The following FRS2 variants were observed in gnomAD, a reference collection of about 807,000 sequenced individuals.
The protein encoded by FRS2 is FGFR signalling adaptor.
A neutral mutation model predicts 43.9 loss-of-function variants in FRS2; 8 were observed. That is an observed-to-expected ratio of 0.18 (90% CI 0.11 to 0.33). FRS2 has a LOEUF of 0.33. Among genes scored for constraint, FRS2 ranks in the 10% least tolerant of loss-of-function variants. The probability of loss-of-function intolerance (pLI) is 1.00; values close to 1 mark genes in which losing one functional copy is unlikely to be tolerated. For synonymous variants in FRS2, 219 were observed against 220.3 expected (o/e 0.99, Z 0.05); for missense variants, 534 against 627.6 (o/e 0.85, Z 1.59).
chr12:69,553,714 T>G (rs896186872), intron 3 of FRS2, among the ~76,000 whole-genome samples: 3 of 152,168 alleles, frequency 2.0e-5, no homozygotes, highest in African/African-American at 7.2e-5. Context: ...GGCACCAGGG[T>G]GCCATTTTTA....
At chr12:69,573,907 G>T in intron 8 of FRS2, 98 bp from the exon 9 acceptor site, 1 of 740,570 alleles carries the variant, frequency 1.4e-6, no homozygotes, top group East Asian at 2.5e-5. Context: ...AGTTAATACA[G>T]TTAACTGTTG....
chr12:69,573,743 A>G (rs1349869460), intron 8 of FRS2, among the ~76,000 whole-genome samples: 3 of 152,240 alleles, frequency 2.0e-5, no homozygotes, highest in Non-Finnish European at 4.4e-5. Flanking sequence ...GATTACAGGC[A>G]TGGGCCACTG....
chr12:69,545,899 G>T (rs1878361267), intron 3 of FRS2, among the ~76,000 whole-genome samples: 1 of 152,076 alleles, frequency 6.6e-6, no homozygotes, highest in Non-Finnish European at 1.5e-5. Flanking sequence ...GGAGAAACTG[G>T]ATATCTACAT....
At chr12:69,547,848 T>C (rs980797294) in intron 3 of FRS2, among the ~76,000 whole-genome samples, 27 of 103,814 alleles carry the variant, frequency 2.6e-4, no homozygotes, top group African/African-American at 1.0e-3. Context: ...TTTTTTTTTT[T>C]TTTTTTTTGT....
chr12:69,578,427 T>C lies in FRS2; in HGVS notation c.*3472T>C, dbSNP rs1254835106. On this transcript the variant is annotated 3_prime_UTR_variant, in exon 9 of 9. Transcript: ENST00000549921. ...TGAAAAATTAACATATTTTATGACG[T>C]ACCACAGTATACTCTGCCCAAACCA... The C allele has an allele frequency of 6.6e-6, 1 of 152,586 alleles. No homozygotes were observed. The highest frequency in any genetic ancestry group is 2.4e-5 in the African/African-American group (1 of 41,474). The allele number at this position is 152,586 out of a possible 1,614,324, so 9.5% of individuals were successfully genotyped here.
intron 3 of FRS2, among the ~76,000 whole-genome samples, chr12:69,542,977 A>G (rs1219617807): frequency 6.6e-6 from 1 of 152,218 alleles, no homozygotes; most frequent in African/African-American, 2.4e-5. Flanking sequence ...CAGGAGTTAC[A>G]TCTGCTATAA....
intron 1 of FRS2, among the ~76,000 whole-genome samples, chr12:69,511,412 A>G (rs1158455674): frequency 1.3e-5 from 2 of 152,226 alleles, no homozygotes; most frequent in Non-Finnish European, 2.9e-5. Flanking sequence ...TTGACCCAGA[A>G]TTCCATTGAT....
At chr12:69,495,357 A>G (rs747754452) in intron 1 of FRS2, among the ~76,000 whole-genome samples, 19 of 152,230 alleles carry the variant, frequency 1.2e-4, no homozygotes, top group Admixed American at 2.6e-4. Context: ...TGTACTATAC[A>G]TGGAATATAC....
chr12:69,523,842 GC>G (rs963837177), intron 1 of FRS2, among the ~76,000 whole-genome samples: 3 of 152,118 alleles, frequency 2.0e-5, no homozygotes, highest in African/African-American at 7.2e-5. Context: ...GCTTGGTTTG[GC>G]CGGATATTAA....
At chr12:69,482,399 A>G (rs537195796) in intron 1 of FRS2, among the ~76,000 whole-genome samples, 2 of 152,206 alleles carry the variant, frequency 1.3e-5, no homozygotes, top group African/African-American at 2.4e-5. Flanking sequence ...TTGATCTGGT[A>G]AATTGGTAGA....
rs1881210507 is a variant in FRS2, at chr12:69,576,616, C to T, written c.*1661C>T. The T allele has an allele frequency of 6.6e-6, 1 of 152,104 alleles. No individual in the cohort carries two copies. The highest frequency in any genetic ancestry group is 2.1e-4 in the South Asian group (1 of 4,824). The allele number at this position is 152,104 out of a possible 1,614,324, so 9.4% of individuals were successfully genotyped here. ...AAGTTTTAGTCATATTGGCATCCAA[C>T]CTATTCAGTAACCGAATCATAGGAC... is the stretch of plus-strand genomic sequence containing the variant. On this transcript the variant is annotated 3_prime_UTR_variant, in exon 9 of 9. Transcript: ENST00000549921.
chr12:69,541,766 A>T (rs1877924716), intron 3 of FRS2, among the ~76,000 whole-genome samples: 2 of 148,610 alleles, frequency 1.3e-5, no homozygotes, highest in African/African-American at 5.0e-5. Flanking sequence ...TGGAGGTTGC[A>T]GTGAGCCGAG....
intron 1 of FRS2, among the ~76,000 whole-genome samples, chr12:69,500,238 C>T (rs765193906): frequency 1.4e-4 from 21 of 152,038 alleles, no homozygotes; most frequent in Admixed American, 2.6e-4. Context: ...CAACAACAAA[C>T]GACATGAAGA....
chr12:69,498,312 A>G (rs1175714141), intron 1 of FRS2, among the ~76,000 whole-genome samples: 1 of 152,244 alleles, frequency 6.6e-6, no homozygotes, highest in Admixed American at 6.5e-5. Flanking sequence ...CACAATGACT[A>G]TCCTCAGACT....
chr12:69,574,607 A>G lies in FRS2; in HGVS notation c.1179A>G (p.Val393=). The G allele has an allele frequency of 6.2e-7, 1 of 1,614,084 alleles. No individual in the cohort carries two copies. Among genetic ancestry groups the G allele is most frequent in the Non-Finnish European group, 8.5e-7 (1 of 1,179,928 alleles). Residue 393 remains valine, a synonymous_variant, in exon 9 of 9, where the codon GTA becomes GTG. Transcript: ENST00000549921. ...ATCTAGATCCAATGCATAACTATGT[A>G]AATACAGAGAATGTAACAGTGCCAG... ...HNNLDPMHNY[V]NTENVTVPAS...
intron 3 of FRS2, among the ~76,000 whole-genome samples, chr12:69,546,759 A>G (rs879814775): frequency 3.3e-5 from 5 of 152,126 alleles, no homozygotes; most frequent in Admixed American, 6.6e-5. Context: ...AAAATTGGAA[A>G]CCTTATGCAC....
intron 1 of FRS2, among the ~76,000 whole-genome samples, chr12:69,491,212 C>T (rs1465230321): frequency 6.6e-6 from 1 of 152,060 alleles, no homozygotes; most frequent in Non-Finnish European, 1.5e-5. Flanking sequence ...CCTCCCACCT[C>T]AGCCCTTGAA....
chr12:69,562,029 G>A (rs1879920600), intron 3 of FRS2, 151 bp from the exon 4 acceptor site: 1 of 379,506 alleles, frequency 2.6e-6, no homozygotes, highest in South Asian at 1.5e-4. Flanking sequence ...TTTTAAAATT[G>A]ATGTTATATG....
At chr12:69,502,435 G>T (rs557271155) in intron 1 of FRS2, among the ~76,000 whole-genome samples, 3 of 150,864 alleles carry the variant, frequency 2.0e-5, no homozygotes, top group Non-Finnish European at 4.4e-5. Context: ...GGGTCTCACT[G>T]GTTGCCCAGG....
Sources: gnomAD v4.1 joint callset for allele counts (sites outside exome capture counted in the v4.1 genomes callset) on GRCh38, gnomAD v4.1.1 for gene constraint, MANE v1.5 for transcripts, NCBI Gene and HGNC (gene_info 2026-07-23, HGNC 2026-07-21) for gene names.